TRHDE: variants seen among roughly 807,000 people sequenced by gnomAD.
TRHDE encodes the protein thyrotropin-releasing hormone-degrading ectoenzyme.
Under a neutral mutation model 125.7 loss-of-function variants are expected in TRHDE, and 72 were observed. The ratio of observed to expected loss-of-function variants is 0.57; its 90% CI spans 0.47 to 0.70. The LOEUF (loss-of-function observed/expected upper bound fraction) is 0.70, where lower values mean the gene tolerates loss of function less well. Ranked by LOEUF, TRHDE falls within the 30% of genes least tolerant of loss-of-function variation. TRHDE has a pLI of 0.00. For synonymous variants in TRHDE, 509 were observed against 509.1 expected, an observed-to-expected ratio of 1.00 and a Z score of 0.00; for missense variants, 1,110 against 1,327.1, an observed-to-expected ratio of 0.84 and a Z score of 2.54.
At chr12:72,528,356 A>T (rs1173179762) in intron 6 of TRHDE, among the ~76,000 whole-genome samples, 2 of 152,210 alleles carry the variant, frequency 1.3e-5, no homozygotes, top group Non-Finnish European at 2.9e-5. Context: ...GACAAGGAAC[A>T]ATTCTACAAT....
rs899612284 is a variant in TRHDE at position 72,545,852 on chromosome 12, T to C, written c.1788+3496T>C. Among the ~76,000 whole-genome samples the C allele has an allele frequency of 6.6e-5, 10 of 151,666 alleles. 1 individual carries two copies. The highest frequency in any genetic ancestry group is 5.9e-4 in the Admixed American group (9 of 15,168). On this transcript the variant is annotated intron_variant, in intron 7 of 18. Coordinates refer to ENST00000261180, the MANE Select transcript of TRHDE (RefSeq NM_013381.3). ...GTTATATGCTAAGAACTGTTGAAATTTCTTGGTGATTTTCAGTGTAAATTC... is the reference window on the plus strand; with the variant it reads ...GTTATATGCTAAGAACTGTTGAAATCTCTTGGTGATTTTCAGTGTAAATTC...
intron 2 of TRHDE, among the ~76,000 whole-genome samples, chr12:72,308,402 G>C (rs1020371434): frequency 1.1e-4 from 16 of 152,176 alleles, no homozygotes; most frequent in South Asian, 2.1e-4. Flanking sequence ...TTTGAAGTTT[G>C]ACAGATTCTA....
intron 3 of TRHDE, among the ~76,000 whole-genome samples, chr12:72,427,262 G>A (rs1438609281): frequency 1.3e-5 from 2 of 152,014 alleles, no homozygotes; most frequent in Admixed American, 1.3e-4. Context: ...TTGCGTATGT[G>A]TGCCATAGTG....
chr12:72,322,495 T>C (rs1308558127), intron 2 of TRHDE, among the ~76,000 whole-genome samples: 1 of 152,142 alleles, frequency 6.6e-6, no homozygotes, highest in African/African-American at 2.4e-5. Flanking sequence ...GAACAATATA[T>C]ATTAAATAAG....
At chr12:72,608,188 G>A (rs10879462) in intron 12 of TRHDE, among the ~76,000 whole-genome samples, 61,285 of 151,834 alleles carry the variant, frequency 0.4, 14,364 homozygotes, top group African/African-American at 0.64. Context: ...ACTCCCATGC[G>A]CCATATGCCA....
At chr12:72,238,101 A>G (rs966010439) in intron 2 of TRHDE, among the ~76,000 whole-genome samples, 5 of 151,398 alleles carry the variant, frequency 3.3e-5, no homozygotes, top group Non-Finnish European at 7.4e-5. Flanking sequence ...GGATTTATCC[A>G]AGGGGTGACA....
intron 2 of TRHDE, among the ~76,000 whole-genome samples, chr12:72,222,981 G>A (rs1878031316): frequency 1.3e-5 from 2 of 152,126 alleles, no homozygotes; most frequent in Non-Finnish European, 2.9e-5. Context: ...TTTTATCAAA[G>A]GGTGGCTGAT....
intron 4 of TRHDE, among the ~76,000 whole-genome samples, chr12:72,472,201 C>T (rs964065974): frequency 6.6e-6 from 1 of 152,152 alleles, no homozygotes; most frequent in African/African-American, 2.4e-5. Flanking sequence ...CCCCTCATCC[C>T]CCCTACCTCT....
At chr12:72,562,025 T>A in intron 7 of TRHDE, 140 bp from the exon 8 acceptor site, 1 of 484,800 alleles carries the variant, frequency 2.1e-6, no homozygotes, top group Non-Finnish European at 3.8e-6. Flanking sequence ...GGAATATTTT[T>A]AAATGAGATT....
chr12:72,124,532 G>A (rs1875667407), intron 2 of TRHDE, among the ~76,000 whole-genome samples: 1 of 152,112 alleles, frequency 6.6e-6, no homozygotes, highest in Non-Finnish European at 1.5e-5. Context: ...ATCAGGTTAG[G>A]CCTCAGTGAG....
At chr12:72,462,414 C>T (rs1166790966) in intron 3 of TRHDE, among the ~76,000 whole-genome samples, 1 of 152,108 alleles carries the variant, frequency 6.6e-6, no homozygotes, top group African/African-American at 2.4e-5. Context: ...AGAGTGAAAC[C>T]ATGGAATTCA....
intron 6 of TRHDE, among the ~76,000 whole-genome samples, chr12:72,524,066 C>A (rs1470121201): frequency 6.6e-6 from 1 of 152,166 alleles, no homozygotes; most frequent in Non-Finnish European, 1.5e-5. Context: ...ACAGCATCCA[C>A]ACTGAAGTTG....
At chr12:72,353,536 C>T (rs1489145936) in intron 2 of TRHDE, among the ~76,000 whole-genome samples, 1 of 151,446 alleles carries the variant, frequency 6.6e-6, no homozygotes, top group Non-Finnish European at 1.5e-5. Context: ...AAGAGAAGTA[C>T]TAGTCATTCC....
At chr12:72,340,212 A>C (rs1870019577) in intron 2 of TRHDE, among the ~76,000 whole-genome samples, 1 of 152,310 alleles carries the variant, frequency 6.6e-6, no homozygotes, top group East Asian at 1.9e-4. Context: ...ATGATCTGTT[A>C]CTTGGTGTGT....
At chr12:72,406,714 A>G (rs1415082631) in intron 3 of TRHDE, among the ~76,000 whole-genome samples, 1 of 152,180 alleles carries the variant, frequency 6.6e-6, no homozygotes, top group African/African-American at 2.4e-5. Context: ...ATAAAGTTCC[A>G]ACAATTTAGT....
At chr12:72,116,539 T>C (rs1438073921) in intron 2 of TRHDE, among the ~76,000 whole-genome samples, 1 of 152,212 alleles carries the variant, frequency 6.6e-6, no homozygotes, top group Non-Finnish European at 1.5e-5. Context: ...CCTGACTTTA[T>C]AATGATTGAC....
chr12:72,122,578 T>C (rs1005257643), intron 2 of TRHDE, among the ~76,000 whole-genome samples: 2 of 152,140 alleles, frequency 1.3e-5, no homozygotes, highest in Admixed American at 6.6e-5. Flanking sequence ...AATGATACTA[T>C]TTATACTTTA....
Position 72,335,205 on chromosome 12 carries a change from A to T in TRHDE, c.1189-42790A>T, listed in dbSNP as rs188202492. 3.9e-5 allele frequency among the ~76,000 whole-genome samples: 6 copies of T among 152,308 alleles called. No individual in the cohort carries two copies. In the East Asian group the frequency reaches 9.7e-4, roughly 25 times the overall value. ...TATAAAAATTCACTACAGCTTGCCA[A>T]TCACAGAGAATTTCCTTTATGTGCT... is the stretch of plus-strand genomic sequence containing the variant. On this transcript the variant is annotated intron_variant, in intron 2 of 18. Coordinates refer to ENST00000261180, the MANE Select transcript of TRHDE (RefSeq NM_013381.3).
intron 2 of TRHDE, among the ~76,000 whole-genome samples, chr12:72,166,666 C>G (rs1876756097): frequency 6.6e-6 from 1 of 152,216 alleles, no homozygotes; most frequent in Middle Eastern, 3.4e-3. Context: ...TAACCCACAC[C>G]TAGGACTGGA....
Sources: gnomAD v4.1 joint callset for allele counts (sites outside exome capture counted in the v4.1 genomes callset) on GRCh38, gnomAD v4.1.1 for gene constraint, MANE v1.5 for transcripts, NCBI Gene and HGNC (gene_info 2026-07-23, HGNC 2026-07-21) for gene names.